BNC2: variants seen among roughly 807,000 people sequenced by gnomAD.
BNC2 encodes zinc finger protein basonuclin-2.
BNC2 carries 20 observed loss-of-function variants against 76.3 expected under a neutral mutation model. That is an observed-to-expected ratio of 0.26 (90% CI 0.18 to 0.38). The LOEUF (loss-of-function observed/expected upper bound fraction) is 0.38, where lower values mean the gene tolerates loss of function less well. Among genes scored for constraint, BNC2 ranks in the 10% least tolerant of loss-of-function variants. The pLI is 1.00. For synonymous variants in BNC2, 582 were observed against 514.8 expected (o/e 1.13, Z -1.77); for missense variants, 1,382 against 1,399.8 (o/e 0.99, Z 0.20).
intron 3 of BNC2, among the ~76,000 whole-genome samples, chr9:16,698,406 G>A (rs765887367): frequency 2.6e-5 from 4 of 152,114 alleles, no homozygotes; most frequent in Non-Finnish European, 4.4e-5. Flanking sequence ...AAGTCATGAT[G>A]AGGGCCGGGC....
At chr9:16,527,038 T>C (rs1817827553) in intron 5 of BNC2, among the ~76,000 whole-genome samples, 1 of 152,056 alleles carries the variant, frequency 6.6e-6, no homozygotes, top group Admixed American at 6.6e-5. Flanking sequence ...TTTGGGGAAG[T>C]GTTGGAAGCA....
intron 1 of BNC2, among the ~76,000 whole-genome samples, chr9:16,781,799 T>C (rs932675777): frequency 9.2e-5 from 14 of 152,182 alleles, no homozygotes; most frequent in African/African-American, 2.4e-4. Context: ...AAATTGATAT[T>C]TTACAAATAC....
chr9:16,831,062 G>T (rs1818567256), intron 1 of BNC2, among the ~76,000 whole-genome samples: 1 of 152,140 alleles, frequency 6.6e-6, no homozygotes, highest in Non-Finnish European at 1.5e-5. Flanking sequence ...TGTACTTCCT[G>T]ACAAGTTAGA....
chr9:16,664,732 A>T (rs1822217366), intron 3 of BNC2, among the ~76,000 whole-genome samples: 1 of 151,954 alleles, frequency 6.6e-6, no homozygotes, highest in Admixed American at 6.6e-5. Context: ...ACAAAAACAA[A>T]AAAAAACAGG....
At chr9:16,868,924 C>T (rs1011634305) in intron 1 of BNC2, among the ~76,000 whole-genome samples, 2 of 152,296 alleles carry the variant, frequency 1.3e-5, no homozygotes. Flanking sequence ...CCATTTAAAG[C>T]ATGTATGCGT....
At chr9:16,671,118 C>T (rs1822465353) in intron 3 of BNC2, among the ~76,000 whole-genome samples, 1 of 152,118 alleles carries the variant, frequency 6.6e-6, no homozygotes, top group African/African-American at 2.4e-5. Context: ...TCAGTTGTGG[C>T]ACTGATCATC....
rs760334910 is a variant in BNC2, at chr9:16,437,148, C to G, written c.1046G>C (p.Gly349Ala). 2 of 1,614,112 alleles carry G rather than the reference C, an allele frequency of 1.2e-6. No individual in the cohort carries two copies. Among genetic ancestry groups the G allele is most frequent in the South Asian group, 2.2e-5 (2 of 91,078 alleles). ...AAGGCTGGGTTCCCGCAGCCTCAAC[C>G]CTGGTTGCTCTAACAGTAGCCCATT... ...PPNGLLLEQP[G>A]LRLREPSLST... Residue 349 changes from glycine to alanine, a missense_variant, in exon 6 of 7, where the codon GGG becomes GCG. By Grantham distance (60) the Gly-to-Ala change is moderately conservative. This residue lies in a region of BNC2 where 557 missense variants were observed against 540.9 expected (regional missense o/e 1.03). Coordinates refer to ENST00000380672, the MANE Select transcript of BNC2 (RefSeq NM_017637.6).
chr9:16,654,186 G>C (rs190528167), intron 3 of BNC2, among the ~76,000 whole-genome samples: 1 of 152,272 alleles, frequency 6.6e-6, no homozygotes, highest in Non-Finnish European at 1.5e-5. Flanking sequence ...AGTAGAAATT[G>C]TATTTTTTGT....
At chr9:16,421,242 C>T in intron 6 of BNC2, 6 of 1,295,376 alleles carry the variant, frequency 4.6e-6, no homozygotes, top group Non-Finnish European at 6.1e-6. Flanking sequence ...TCCAACTGCA[C>T]TTAGGAAGGC....
chr9:16,517,274 G>A (rs745652575), intron 5 of BNC2, among the ~76,000 whole-genome samples: 3 of 152,136 alleles, frequency 2.0e-5, no homozygotes, highest in Non-Finnish European at 2.9e-5. Context: ...ATCCCTATAA[G>A]GTAATTTCTT....
At chr9:16,828,281 G>A (rs1274695228) in intron 1 of BNC2, among the ~76,000 whole-genome samples, 2 of 152,036 alleles carry the variant, frequency 1.3e-5, no homozygotes, top group Non-Finnish European at 2.9e-5. Flanking sequence ...GAGAAATACT[G>A]ATTATATTTT....
chr9:16,737,390 AC>A (rs1398179339), intron 2 of BNC2, among the ~76,000 whole-genome samples: 1 of 151,496 alleles, frequency 6.6e-6, no homozygotes, highest in Admixed American at 6.6e-5. Flanking sequence ...AGCTGGGACT[AC>A]AGGCGCCCGC....
intron 5 of BNC2, among the ~76,000 whole-genome samples, chr9:16,474,590 A>G (rs963171627): frequency 1.3e-5 from 2 of 152,218 alleles, no homozygotes; most frequent in African/African-American, 4.8e-5. Flanking sequence ...AGATGAGTCA[A>G]GTTATTAATA....
At chr9:16,818,254 A>C (rs558566217) in intron 1 of BNC2, among the ~76,000 whole-genome samples, 1 of 152,110 alleles carries the variant, frequency 6.6e-6, no homozygotes, top group Non-Finnish European at 1.5e-5. Flanking sequence ...AATACAAAAA[A>C]TTAGCCGGGC....
intron 3 of BNC2, among the ~76,000 whole-genome samples, chr9:16,619,668 A>G (rs894032941): frequency 9.9e-5 from 15 of 152,174 alleles, no homozygotes; most frequent in African/African-American, 2.9e-4. Flanking sequence ...AGCTGACACA[A>G]TGAATTTCAA....
chr9:16,782,159 C>T (rs1043519011), intron 1 of BNC2, among the ~76,000 whole-genome samples: 8 of 151,904 alleles, frequency 5.3e-5, no homozygotes, highest in African/African-American at 1.9e-4. Context: ...GTGGCGTGCA[C>T]CTGTAGTCCC....
intron 1 of BNC2, among the ~76,000 whole-genome samples, chr9:16,825,737 T>C (rs947294812): frequency 6.6e-6 from 1 of 152,138 alleles, no homozygotes; most frequent in Non-Finnish European, 1.5e-5. Context: ...TGGAAATCAC[T>C]TCACAAAAAT....
At chr9:16,723,558 G>A (rs1386559658) in intron 3 of BNC2, among the ~76,000 whole-genome samples, 1 of 151,788 alleles carries the variant, frequency 6.6e-6, no homozygotes, top group Non-Finnish European at 1.5e-5. Context: ...AACTGAGATT[G>A]TTGGCCTATA....
chr9:16,491,061 GTGA>G (rs1421048288), intron 5 of BNC2, among the ~76,000 whole-genome samples: 1 of 152,186 alleles, frequency 6.6e-6, no homozygotes, highest in Non-Finnish European at 1.5e-5. Flanking sequence ...GACAGACAAC[GTGA>G]TTGTGGTGGG....
Sources: allele counts gnomAD v4.1 joint callset (sites outside exome capture counted in the v4.1 genomes callset), GRCh38; gene constraint gnomAD v4.1.1; regional missense constraint gnomAD v4.1.1; transcripts MANE v1.5; gene names NCBI Gene and HGNC (gene_info 2026-07-23, HGNC 2026-07-21).